The following GPC5 variants were observed in gnomAD, a reference collection of about 807,000 sequenced individuals.
The protein encoded by GPC5 is glypican-5.
GPC5 carries 47 observed loss-of-function variants against 53.9 expected under a neutral mutation model. The observed-to-expected ratio is 0.87, with a 90% CI of 0.69 to 1.11. The LOEUF (loss-of-function observed/expected upper bound fraction) is 1.11. Ranked by LOEUF, GPC5 falls within the 50% of genes most tolerant of loss-of-function variation. GPC5 has a pLI of 0.00. For missense variants in GPC5, 748 were observed against 713.1 expected (o/e 1.05, Z -0.56); for synonymous variants, 286 against 263.3 (o/e 1.09, Z -0.84).
intron 1 of GPC5, among the ~76,000 whole-genome samples, chr13:91,409,203 A>G (rs910870119): frequency 2.6e-5 from 4 of 152,190 alleles, no homozygotes; most frequent in African/African-American, 9.6e-5. Flanking sequence ...GAAGTAGGTC[A>G]ATAAAATGAA....
intron 7 of GPC5, among the ~76,000 whole-genome samples, chr13:92,841,648 C>G (rs1878432414): frequency 6.6e-6 from 1 of 151,890 alleles, no homozygotes; most frequent in Non-Finnish European, 1.5e-5. Flanking sequence ...TATAAAATAC[C>G]TAGTATTTGT....
chr13:91,907,976 G>A lies in GPC5; in HGVS notation c.1320G>A (p.Gln440=). The A allele has an allele frequency of 6.3e-7, 1 of 1,595,202 alleles. No homozygotes were observed. Among genetic ancestry groups the A allele is most frequent in the Non-Finnish European group, 8.5e-7 (1 of 1,178,380 alleles). ...QRVVGNGIKA[Q]SGNPEVKVKG... is the part of the protein sequence containing the mutation. Reference sequence around the variant, plus strand: ...TGGTTGGAAATGGAATCAAAGCCCAGTCTGGAAATCCTGAAGTCAAAGTCA... The same window carrying A: ...TGGTTGGAAATGGAATCAAAGCCCAATCTGGAAATCCTGAAGTCAAAGTCA... The change falls in exon 6 of 8, where the codon CAG becomes CAA. Residue 440 remains glutamine, a synonymous_variant. Transcript: ENST00000377067.
intron 7 of GPC5, among the ~76,000 whole-genome samples, chr13:92,623,760 C>G (rs1052684451): frequency 1.3e-5 from 2 of 151,548 alleles, no homozygotes; most frequent in African/African-American, 4.9e-5. Context: ...AAAAAAAAAC[C>G]AGTGAAATAG....
chr13:92,837,089 G>A (rs1002800614), intron 7 of GPC5, among the ~76,000 whole-genome samples: 1 of 152,124 alleles, frequency 6.6e-6, no homozygotes, highest in Non-Finnish European at 1.5e-5. Flanking sequence ...AACCTTGCAA[G>A]CTTCCAGACT....
intron 7 of GPC5, among the ~76,000 whole-genome samples, chr13:92,594,286 G>A (rs1224133574): frequency 2.0e-5 from 3 of 152,144 alleles, no homozygotes; most frequent in Admixed American, 6.5e-5. Flanking sequence ...CTCATTGAAG[G>A]CAGGCACGGG....
chr13:91,941,096 A>G (rs1036709195), intron 6 of GPC5, among the ~76,000 whole-genome samples: 6 of 152,052 alleles, frequency 3.9e-5, no homozygotes, highest in African/African-American at 1.4e-4. Context: ...GGTATCACGT[A>G]CATTTTCTTT....
At chr13:92,196,677 T>C (rs2042258736) in intron 7 of GPC5, among the ~76,000 whole-genome samples, 1 of 152,236 alleles carries the variant, frequency 6.6e-6, no homozygotes, top group South Asian at 2.1e-4. Context: ...TCAGCTATTC[T>C]GTTTTCTGCT....
intron 7 of GPC5, among the ~76,000 whole-genome samples, chr13:92,692,108 A>G (rs1229785104): frequency 6.6e-6 from 1 of 152,144 alleles, no homozygotes; most frequent in East Asian, 1.9e-4. Context: ...GCTCCCACTT[A>G]CAAATGAGAA....
At chr13:92,612,881 A>G (rs1160269884) in intron 7 of GPC5, among the ~76,000 whole-genome samples, 1 of 152,120 alleles carries the variant, frequency 6.6e-6, no homozygotes, top group Admixed American at 6.5e-5. Flanking sequence ...ATTAATGCAC[A>G]CTATAATAAA....
At chr13:92,524,752 A>G (rs560681083) in intron 7 of GPC5, among the ~76,000 whole-genome samples, 6 of 152,184 alleles carry the variant, frequency 3.9e-5, no homozygotes, top group African/African-American at 1.4e-4. Flanking sequence ...TATTGCTTAT[A>G]TTTGTTTTAG....
At chr13:92,357,599 T>C in intron 7 of GPC5, among the ~76,000 whole-genome samples, 1 of 151,650 alleles carries the variant, frequency 6.6e-6, no homozygotes, top group East Asian at 1.9e-4. Flanking sequence ...CTCGGTAATT[T>C]ATAAAGAAAA....
chr13:92,659,992 C>T lies in GPC5; in HGVS notation c.1562-206290C>T, dbSNP rs529618811. 6.6e-4 allele frequency among the ~76,000 whole-genome samples: 101 copies of T among 152,280 alleles called. 1 individual carries two copies. Among genetic ancestry groups the T allele is most frequent in the African/African-American group, 2.1e-3 (89 of 41,562 alleles). ...TTGTATATGAAACCATCACTGTTAG[C>T]CCTCTAGAATCCTTCTGTCTGCTCT... On this transcript the variant is annotated intron_variant, in intron 7 of 7. Transcript: ENST00000377067.
chr13:92,858,316 C>T (rs750583138), intron 7 of GPC5, among the ~76,000 whole-genome samples: 2 of 152,290 alleles, frequency 1.3e-5, no homozygotes, highest in Non-Finnish European at 2.9e-5. Flanking sequence ...GTCTTGCCTG[C>T]CACCATCCCT....
chr13:92,270,238 T>C (rs758370215), intron 7 of GPC5, among the ~76,000 whole-genome samples: 28 of 152,206 alleles, frequency 1.8e-4, no homozygotes, highest in Non-Finnish European at 3.7e-4. Flanking sequence ...TGATAAGATT[T>C]GGATCTGTGT....
chr13:92,589,000 A>AG (rs1883631808), intron 7 of GPC5, among the ~76,000 whole-genome samples: 1 of 152,150 alleles, frequency 6.6e-6, no homozygotes, highest in Admixed American at 6.5e-5. Context: ...GGTAAAGTTG[A>AG]GGGGGGTGCT....
At chr13:91,648,597 A>C (rs2034618634) in intron 2 of GPC5, among the ~76,000 whole-genome samples, 1 of 152,122 alleles carries the variant, frequency 6.6e-6, no homozygotes. Context: ...TCACAGAAAC[A>C]AAAAAATTAG....
intron 2 of GPC5, among the ~76,000 whole-genome samples, chr13:91,482,508 C>A (rs1160655399): frequency 6.6e-6 from 1 of 152,176 alleles, no homozygotes; most frequent in Non-Finnish European, 1.5e-5. Flanking sequence ...AATCCAAAAT[C>A]TAGCAACCAT....
At chr13:92,629,547 A>C (rs1240459120) in intron 7 of GPC5, among the ~76,000 whole-genome samples, 1 of 152,234 alleles carries the variant, frequency 6.6e-6, no homozygotes, top group African/African-American at 2.4e-5. Context: ...CAAAAAAGTA[A>C]GATAGTAGAT....
At chr13:92,418,998 G>A (rs894392661) in intron 7 of GPC5, among the ~76,000 whole-genome samples, 1 of 152,170 alleles carries the variant, frequency 6.6e-6, no homozygotes, top group Non-Finnish European at 1.5e-5. Context: ...GTAAATAGGA[G>A]GTAATCAACT....
Sources: gnomAD v4.1 joint callset for allele counts (sites outside exome capture counted in the v4.1 genomes callset) on GRCh38, gnomAD v4.1.1 for gene constraint, MANE v1.5 for transcripts, NCBI Gene and HGNC (gene_info 2026-07-23, HGNC 2026-07-21) for gene names.